The following PRDM10 variants were observed in gnomAD, a reference collection of about 807,000 sequenced individuals.
The protein encoded by PRDM10 is PR domain zinc finger protein 10.
PRDM10 carries 65 observed loss-of-function variants against 133.1 expected under a neutral mutation model. The ratio of observed to expected loss-of-function variants is 0.49; its 90% CI spans 0.40 to 0.60. The LOEUF (loss-of-function observed/expected upper bound fraction) is 0.60, where lower values mean the gene tolerates loss of function less well. PRDM10 is among the 20% of genes least tolerant of loss of function. PRDM10 has a pLI of 0.00. For missense variants in PRDM10, 1,137 were observed against 1,507.1 expected (o/e 0.75, Z 4.07); for synonymous variants, 582 against 580.4 (o/e 1.00, Z -0.04).
chr11:129,977,347 G>A (rs369042381), intron 1 of PRDM10, among the ~76,000 whole-genome samples: 4 of 151,818 alleles, frequency 2.6e-5, no homozygotes, highest in East Asian at 3.9e-4. Context: ...GCAGTGGCGC[G>A]ATCTCGGCTC....
rs866508067 is a variant in PRDM10 at position 129,994,446 on chromosome 11, A to C, written c.-119+8276T>G. Among the ~76,000 whole-genome samples the C allele has an allele frequency of 1.4e-3, 205 of 146,742 alleles. 4 individuals are homozygous for C. Among genetic ancestry groups the C allele is most frequent in the Middle Eastern group, 7.0e-3 (2 of 284 alleles). Reference sequence around the variant, plus strand: ...GCACCACTGCACTCCAGCCTAGGTGACACAGCGCAACTCTGCCTCAAAAAA... The same window carrying C: ...GCACCACTGCACTCCAGCCTAGGTGCCACAGCGCAACTCTGCCTCAAAAAA... On this transcript the variant is annotated intron_variant, in intron 1 of 20. Transcript: ENST00000360871.
intron 1 of PRDM10, among the ~76,000 whole-genome samples, chr11:129,997,254 G>A (rs1310109821): frequency 2.0e-5 from 3 of 152,200 alleles, no homozygotes; most frequent in Admixed American, 6.5e-5. Flanking sequence ...AGAGATGGGT[G>A]GATCGCTTGA....
chr11:129,947,130 C>T lies in PRDM10; in HGVS notation c.520+15G>A, dbSNP rs140100751. 6.8e-5 allele frequency: 109 copies of T among 1,612,770 alleles called. No individual in the cohort carries two copies. In the African/African-American group the frequency reaches 1.2e-3, roughly 17 times the overall value. On this transcript the variant is annotated intron_variant, in intron 5 of 20. Coordinates refer to ENST00000360871, the MANE Select transcript of PRDM10 (RefSeq NM_199437.2). This position sits in a 1 kb window ranked among gnomAD's most constrained non-coding sequence, Gnocchi z 4.6. ...GGACACAGCTTCCCTGGGGGAGACC[C>T]GTGCCCACACTTACACAAGTCGTGT...
rs1238478643 is a variant in PRDM10, at chr11:129,944,962, G to A, written c.571C>T (p.Pro191Ser). ...AHASVCPKHG[P>S]LHPIPNRPVL... The stretch of plus-strand genomic sequence containing the variant: ...GGCCGGTTGGGGATCGGGTGCAAGG[G>A]GCCGTGCTTCGGACACACTGAAGCA... The change falls in exon 6 of 21, where the codon CCC becomes TCC. Residue 191 changes from proline (P) to serine (S), a missense_variant. Pro to Ser is a moderately conservative substitution (Grantham distance 74). Coordinates refer to ENST00000360871, the MANE Select transcript of PRDM10 (RefSeq NM_199437.2). 6.2e-7 allele frequency: 1 copy of A among 1,613,490 alleles called. No individual in the cohort carries two copies. Among genetic ancestry groups the A allele is most frequent in the Non-Finnish European group, 8.5e-7 (1 of 1,179,912 alleles).
intron 1 of PRDM10, among the ~76,000 whole-genome samples, chr11:129,995,482 A>C (rs1011543246): frequency 8.5e-5 from 13 of 152,224 alleles, no homozygotes; most frequent in Non-Finnish European, 1.9e-4. Context: ...ATAATTAGTT[A>C]AAGGAATGAT....
Position 129,912,161 on chromosome 11 carries a change from G to A in PRDM10, c.2906C>T (p.Pro969Leu), listed in dbSNP as rs1194014350. The change falls in exon 18 of 21, where the codon CCC becomes CTC. Residue 969 changes from proline (P) to leucine (L), a missense_variant. Physicochemically the swap from Pro to Leu is moderately conservative, Grantham distance 98. Around this residue, in one of 6 missense-constraint regions of PRDM10, gnomAD observed 243 missense variants for 259.2 expected, o/e 0.94. Coordinates refer to ENST00000360871, the MANE Select transcript of PRDM10 (RefSeq NM_199437.2). ...VDVGQLHDPQPYPQHAIQVQH... is the reference protein window; with the variant it reads ...VDVGQLHDPQLYPQHAIQVQH... ...CACCTGGATGGCGTGCTGGGGGTAG[G>A]GCTGAGGATCATGGAGCTGGCCAAC... The A allele has an allele frequency of 1.9e-6, 3 of 1,612,702 alleles. No homozygotes were observed. The highest frequency in any genetic ancestry group is 4.5e-5 in the East Asian group (2 of 44,710).
At chr11:129,930,708 C>T (rs1383454502) in intron 11 of PRDM10, among the ~76,000 whole-genome samples, 1 of 152,186 alleles carries the variant, frequency 6.6e-6, no homozygotes, top group African/African-American at 2.4e-5. Context: ...ACTAAATGTA[C>T]TTATTTCTCC....
chr11:129,913,359 A>G (rs1004506163), intron 17 of PRDM10, among the ~76,000 whole-genome samples: 1 of 152,234 alleles, frequency 6.6e-6, no homozygotes, highest in African/African-American at 2.4e-5. Context: ...GGATAAAAAA[A>G]GAGCGTTTAG....
At chr11:129,915,603 TAAG>T in intron 16 of PRDM10, 54 bp downstream of exon 16, 1 of 1,507,452 alleles carries the variant, frequency 6.6e-7, no homozygotes, top group African/African-American at 1.4e-5. Flanking sequence ...CACCTTTCCT[TAAG>T]AGATTCCTCG....
At chr11:129,907,992 T>C in intron 19 of PRDM10, among the ~76,000 whole-genome samples, 1 of 149,778 alleles carries the variant, frequency 6.7e-6, no homozygotes, top group Admixed American at 6.8e-5. Context: ...TCCTAGCTAC[T>C]GGGAGGCTGG....
Position 129,956,640 on chromosome 11 carries a change from A to G in PRDM10, c.235-1069T>C, listed in dbSNP as rs149694624. 3.0e-3 allele frequency among the ~76,000 whole-genome samples: 451 copies of G among 152,364 alleles called. 2 individuals carry two copies. The highest frequency in any genetic ancestry group is 0.01 in the African/African-American group (433 of 41,586). On this transcript the variant is annotated intron_variant, in intron 3 of 20. Transcript: ENST00000360871. Reference sequence around the variant, plus strand: ...TTTAGTAACATTGTAATAAACTGAAAGTTGGTCACAGGACATTCTTATATA... The same window carrying G: ...TTTAGTAACATTGTAATAAACTGAAGGTTGGTCACAGGACATTCTTATATA...
intron 1 of PRDM10, among the ~76,000 whole-genome samples, chr11:129,982,848 C>A (rs1938188916): frequency 6.6e-6 from 1 of 151,974 alleles, no homozygotes; most frequent in Admixed American, 6.6e-5. Context: ...GTGGTCCAAG[C>A]TACTCAGGAG....
chr11:129,907,544 G>A (rs1293536889), intron 19 of PRDM10, among the ~76,000 whole-genome samples: 1 of 151,926 alleles, frequency 6.6e-6, no homozygotes, highest in Non-Finnish European at 1.5e-5. Flanking sequence ...AACTGGGACT[G>A]TAGGTGCGCA....
intron 9 of PRDM10, 21 bp from the exon 10 acceptor site, chr11:129,932,252 T>A: frequency 6.2e-7 from 1 of 1,612,530 alleles, no homozygotes; most frequent in South Asian, 1.1e-5. Flanking sequence ...GAGATTGGGT[T>A]ACAGGTCGTC....
chr11:129,977,324 G>A (rs1029649435), intron 1 of PRDM10, among the ~76,000 whole-genome samples: 9 of 148,474 alleles, frequency 6.1e-5, no homozygotes, highest in African/African-American at 1.7e-4. Flanking sequence ...TCACTCTGTC[G>A]CCAGGCTGGA....
intron 4 of PRDM10, among the ~76,000 whole-genome samples, chr11:129,954,865 G>A (rs1197757255): frequency 6.6e-6 from 1 of 151,960 alleles, no homozygotes; most frequent in Non-Finnish European, 1.5e-5. Context: ...CAGAGATGGG[G>A]TCTCACTATA....
chr11:129,941,560 G>A (rs1038101663), intron 7 of PRDM10, among the ~76,000 whole-genome samples: 2 of 152,136 alleles, frequency 1.3e-5, no homozygotes, highest in Non-Finnish European at 2.9e-5. Context: ...ATATACACGC[G>A]TTCCTGTCAA....
chr11:129,913,253 TC>T (rs1197209714), intron 17 of PRDM10, among the ~76,000 whole-genome samples: 3 of 138,690 alleles, frequency 2.2e-5, no homozygotes, highest in Admixed American at 2.2e-4. Context: ...AAAAACAATA[TC>T]CCAATATATG....
At chr11:129,942,744 C>CT (rs1286830631) in intron 6 of PRDM10, 115 bp from the exon 7 acceptor site, 1 of 935,402 alleles carries the variant, frequency 1.1e-6, no homozygotes, top group African/African-American at 1.7e-5. Flanking sequence ...CATCCTGGCT[C>CT]TTTCCTTTGT....
Sources: gnomAD v4.1 joint callset for allele counts (sites outside exome capture counted in the v4.1 genomes callset) on GRCh38, gnomAD v4.1.1 for gene constraint, gnomAD v4.1.1 regional missense constraint, Gnocchi (gnomAD v3.1) non-coding constraint, MANE v1.5 for transcripts, NCBI Gene and HGNC (gene_info 2026-07-23, HGNC 2026-07-21) for gene names.